PPIP5K2: variants seen among roughly 807,000 people sequenced by gnomAD.
The protein encoded by PPIP5K2 is diphosphoinositol pentakisphosphate kinase 2, also known as inositol hexakisphosphate and diphosphoinositol-pentakisphosphate kinase 2.
In PPIP5K2, 105 loss-of-function variants were observed where a neutral mutation model predicts 154.6. The observed-to-expected ratio is 0.68, with a 90% confidence interval of 0.58 to 0.80. The LOEUF (loss-of-function observed/expected upper bound fraction) is 0.80. Among genes scored for constraint, PPIP5K2 ranks in the 30% least tolerant of loss-of-function variants. The pLI is 0.00. For missense variants in PPIP5K2, 992 were observed against 1,504.6 expected (o/e 0.66, Z 5.64); for synonymous variants, 480 against 490.3 (o/e 0.98, Z 0.28).
At chr5:103,187,189 C>A (rs1800521472) in intron 27 of PPIP5K2, 125 bp from the exon 28 acceptor site, 2 of 616,648 alleles carry the variant, frequency 3.2e-6, no homozygotes, top group Non-Finnish European at 5.6e-6. Flanking sequence ...TTATTACATT[C>A]TCTCATTGTC....
At chr5:103,129,828 G>A in intron 2 of PPIP5K2, 125 bp downstream of exon 2, 1 of 1,240,918 alleles carries the variant, frequency 8.1e-7, no homozygotes, top group South Asian at 2.0e-5. Flanking sequence ...TTTCATGACT[G>A]ATGTTGTTGA....
At chr5:103,176,089 C>G (rs1199660272) in intron 21 of PPIP5K2, among the ~76,000 whole-genome samples, 1 of 151,898 alleles carries the variant, frequency 6.6e-6, no homozygotes, top group African/African-American at 2.4e-5. Flanking sequence ...TGTTAAGGAA[C>G]TAAGATTATA....
chr5:103,148,002 GTT>G lies in PPIP5K2; in HGVS notation c.716_717del (p.Phe239TyrfsTer7). 1.3e-6 allele frequency: 2 copies of G among 1,598,484 alleles called. No individual in the cohort carries two copies. The highest frequency in any genetic ancestry group is 1.7e-6 in the Non-Finnish European group (2 of 1,169,604). Reference protein sequence around the residue: ...RKTGSYIYEEFMPTDGTDVKV... With the variant: ...RKTGSYIYEEXMPTDGTDVKV... Reference sequence around the variant, plus strand: ...AAACAGGCTCATATATATATGAAGAGTTTATGCCCACAGATGGTACTGATGTT... The same window carrying G: ...AAACAGGCTCATATATATATGAAGAGTATGCCCACAGATGGTACTGATGTT... On this transcript the variant is annotated frameshift_variant, in exon 7 of 31. Transcript: ENST00000358359. LOFTEE classifies it high-confidence loss of function.
intron 5 of PPIP5K2, among the ~76,000 whole-genome samples, chr5:103,140,976 C>G (rs1792510290): frequency 6.6e-6 from 1 of 151,848 alleles, no homozygotes; most frequent in Admixed American, 6.6e-5. Flanking sequence ...AAAGATCTTA[C>G]AGATCTTTTA....
rs1173387295 is a variant in PPIP5K2 at position 103,204,840 on chromosome 5, T to A, written c.*3206T>A. The stretch of plus-strand genomic sequence containing the variant: ...TATAATCTATGTGAATTATAGCTCC[T>A]TAACTAAATATATTACTGAGTTTTT... On this transcript the variant is annotated 3_prime_UTR_variant, in exon 31 of 31. Transcript: ENST00000358359. 6.6e-6 allele frequency: 1 copy of A among 152,142 alleles called. No homozygotes were observed. The highest frequency in any genetic ancestry group is 2.4e-5 in the African/African-American group (1 of 41,444). The allele number at this position is 152,142 out of a possible 1,614,324, so 9.4% of individuals were successfully genotyped here.
At chr5:103,121,741 A>G (rs574646443) in intron 1 of PPIP5K2, among the ~76,000 whole-genome samples, 2 of 152,356 alleles carry the variant, frequency 1.3e-5, no homozygotes, top group South Asian at 4.1e-4. Context: ...ATTTGCAGAA[A>G]ATTTTAAAAT....
intron 3 of PPIP5K2, among the ~76,000 whole-genome samples, chr5:103,136,386 G>T (rs531858376): frequency 6.6e-6 from 1 of 152,236 alleles, no homozygotes; most frequent in Admixed American, 6.5e-5. Flanking sequence ...AAATCACCAG[G>T]TGATTCTGAT....
intron 18 of PPIP5K2, 65 bp downstream of exon 18, chr5:103,167,385 A>T: frequency 7.8e-7 from 1 of 1,276,922 alleles, no homozygotes. Flanking sequence ...CATTTAATAT[A>T]TGATGCACCA....
Position 103,146,508 on chromosome 5 carries a change from A to G in PPIP5K2, c.488-19A>G. 1 of 1,602,932 alleles carries G rather than the reference A, an allele frequency of 6.2e-7. No homozygotes were observed. The highest frequency in any genetic ancestry group is 8.5e-7 in the Non-Finnish European group (1 of 1,174,936). On this transcript the variant is annotated intron_variant, in intron 5 of 30. Coordinates refer to ENST00000358359, the MANE Select transcript of PPIP5K2 (RefSeq NM_001276277.3). ...AATAAGAATATGTGATATTTCTTGC[A>G]ATCGTGTTTGTTTTATAGAATGTAA...
At chr5:103,126,218 T>C (rs1402249904) in intron 1 of PPIP5K2, among the ~76,000 whole-genome samples, 1 of 152,136 alleles carries the variant, frequency 6.6e-6, no homozygotes, top group Admixed American at 6.5e-5. Context: ...ATTTACCTAG[T>C]CCCTCACCAA....
At position 103,212,434 on chromosome 5, in the gene PPIP5K2, A is replaced by G. The variant is rs189409330; in HGVS notation, c.*10800A>G. ...ATGGTGGTATGTTATTCTGGCATATAGGGAACAGAATAAGACATGAGGGTA... is the reference window on the plus strand; with the variant it reads ...ATGGTGGTATGTTATTCTGGCATATGGGGAACAGAATAAGACATGAGGGTA... On this transcript the variant is annotated 3_prime_UTR_variant, in exon 31 of 31. Transcript: ENST00000358359. The G allele has an allele frequency of 9.4e-4, 143 of 152,290 alleles. No individual in the cohort carries two copies. Among genetic ancestry groups the G allele is most frequent in the African/African-American group, 3.1e-3 (130 of 41,574 alleles). The allele number at this position is 152,290 out of a possible 1,614,324, so 9.4% of individuals were successfully genotyped here. A position where few individuals can be genotyped will look rare whatever the true frequency, so the allele number is the denominator to read the frequency against.
chr5:103,179,085 T>C (rs887933074), intron 23 of PPIP5K2, among the ~76,000 whole-genome samples: 7 of 152,004 alleles, frequency 4.6e-5, no homozygotes, highest in African/African-American at 1.4e-4. Context: ...GATCATAACA[T>C]CATCTATGAA....
At position 103,183,333 on chromosome 5, in the gene PPIP5K2, G is replaced by A. The variant is rs1554223762; in HGVS notation, c.3022G>A (p.Glu1008Lys). The A allele has an allele frequency of 1.2e-6, 2 of 1,608,710 alleles. No individual in the cohort carries two copies. The highest frequency in any genetic ancestry group is 1.7e-6 in the Non-Finnish European group (2 of 1,178,250). ...TGGGCGTCGAAGACGCAGATCAGGG[G>A]AACAAATCACTTCTTCCCCTGTCTC... ...GTGRRRRRSG[E>K]QITSSPVSPK... Residue 1008 changes from glutamate to lysine, a missense_variant, in exon 25 of 31, where the codon GAA becomes AAA. Transcript: ENST00000358359.
chr5:103,141,300 T>C (rs1047413447), intron 5 of PPIP5K2, among the ~76,000 whole-genome samples: 5 of 152,080 alleles, frequency 3.3e-5, no homozygotes, highest in African/African-American at 7.2e-5. Context: ...GTTTGGAGTT[T>C]CTTCCTTCTG....
chr5:103,149,568 G>A (rs1377714240), intron 8 of PPIP5K2, among the ~76,000 whole-genome samples: 1 of 151,906 alleles, frequency 6.6e-6, no homozygotes, highest in African/African-American at 2.4e-5. Flanking sequence ...GCTGATCAGT[G>A]TTTTAGGGTT....
intron 10 of PPIP5K2, among the ~76,000 whole-genome samples, chr5:103,153,326 C>T (rs1443748601): frequency 6.6e-6 from 1 of 151,712 alleles, no homozygotes; most frequent in Non-Finnish European, 1.5e-5. Flanking sequence ...TTATGTTCTG[C>T]AGTTCACACT....
chr5:103,178,453 G>GTC (rs1334567583), intron 23 of PPIP5K2, among the ~76,000 whole-genome samples: 4 of 151,486 alleles, frequency 2.6e-5, no homozygotes, highest in African/African-American at 7.3e-5. Context: ...TGCTCTATTT[G>GTC]TCTCTCTCTC....
chr5:103,153,828 T>G lies in PPIP5K2; in HGVS notation c.1131-20T>G. 5 of 1,523,068 alleles carry G rather than the reference T, an allele frequency of 3.3e-6. No homozygotes were observed. Among genetic ancestry groups the G allele is most frequent in the Non-Finnish European group, 4.5e-6 (5 of 1,108,698 alleles). The allele number at this position is 1,523,068 out of a possible 1,614,324, so 94.3% of individuals were successfully genotyped here. ...AATCTTTTTTAGAGAATTAAGAACA[T>G]ATATATTTTTTCATTTTAGGATGGA... On this transcript the variant is annotated intron_variant, in intron 10 of 30. Transcript: ENST00000358359.
intron 9 of PPIP5K2, 72 bp downstream of exon 9, chr5:103,151,446 A>C: frequency 1.6e-6 from 2 of 1,265,344 alleles, no homozygotes; most frequent in Non-Finnish European, 2.2e-6. Flanking sequence ...TGTTAACATT[A>C]AATGATCAGG....
Sources: gnomAD v4.1 joint callset for allele counts (sites outside exome capture counted in the v4.1 genomes callset) on GRCh38, gnomAD v4.1.1 for gene constraint, MANE v1.5 for transcripts, NCBI Gene and HGNC (gene_info 2026-07-23, HGNC 2026-07-21) for gene names.